Variants in COL25A1 observed in about 807,000 individuals in gnomAD.
The protein encoded by COL25A1 is collagen type XXV alpha 1 chain.
Under a neutral mutation model 128.4 loss-of-function variants are expected in COL25A1, and 103 were observed. That is an observed-to-expected ratio of 0.80 (90% CI 0.68 to 0.94). The LOEUF (loss-of-function observed/expected upper bound fraction) is 0.94, where lower values mean the gene tolerates loss of function less well. Ranked by LOEUF, COL25A1 falls within the 40% of genes least tolerant of loss-of-function variation. COL25A1 has a pLI of 0.00. For missense variants in COL25A1, 745 were observed against 840.0 expected (o/e 0.89, Z 1.40); for synonymous variants, 279 against 277.2 (o/e 1.01, Z -0.06).
At chr4:109,126,022 TCAC>T (rs1225776204) in intron 3 of COL25A1, among the ~76,000 whole-genome samples, 1 of 152,024 alleles carries the variant, frequency 6.6e-6, no homozygotes, top group Non-Finnish European at 1.5e-5. Context: ...TTTTACTCCT[TCAC>T]CAAGTTCTGT....
rs192262260 is a variant in COL25A1, at chr4:108,999,433, T to A, written c.438+10925A>T. On this transcript the variant is annotated intron_variant, in intron 6 of 37. Coordinates refer to ENST00000399132, the MANE Select transcript of COL25A1 (RefSeq NM_198721.4). ...ACAATGAGATACCATCTCACACCAG[T>A]TAGAATGGCAATAATTAAAAAGTCA... is the stretch of plus-strand genomic sequence containing the variant. Among the ~76,000 whole-genome samples, 492 of 152,324 alleles carry A rather than the reference T, an allele frequency of 3.2e-3. 1 individual carries two copies. The highest frequency in any genetic ancestry group is 0.011 in the African/African-American group (467 of 41,574).
chr4:109,185,573 T>C (rs1775058433), intron 3 of COL25A1, among the ~76,000 whole-genome samples: 1 of 152,236 alleles, frequency 6.6e-6, no homozygotes, highest in African/African-American at 2.4e-5. Flanking sequence ...TAGAAGGTAC[T>C]ACGAGTCTGT....
chr4:109,085,286 C>G (rs1256814063), intron 3 of COL25A1, among the ~76,000 whole-genome samples: 1 of 152,182 alleles, frequency 6.6e-6, no homozygotes, highest in Non-Finnish European at 1.5e-5. Context: ...CCTTCAGACT[C>G]TGCAAATTCA....
intron 24 of COL25A1, among the ~76,000 whole-genome samples, chr4:108,853,393 T>C (rs201289355): frequency 3.9e-4 from 20 of 50,872 alleles, no homozygotes; most frequent in Non-Finnish European, 7.0e-4. Context: ...TGTGTGTGTG[T>C]GCGTGTGTGT....
In COL25A1 at chr4:108,835,037, C is replaced by A. The variant is rs1733619374; in HGVS notation, c.1657-2604G>T. 2.6e-5 allele frequency among the ~76,000 whole-genome samples: 4 copies of A among 152,094 alleles called. No homozygotes were observed. The South Asian group carries it at 8.3e-4, about 32-fold the overall frequency. On this transcript the variant is annotated intron_variant, in intron 31 of 37. Coordinates refer to ENST00000399132, the MANE Select transcript of COL25A1 (RefSeq NM_198721.4). The stretch of plus-strand genomic sequence containing the variant: ...AAAGCCAGAAAACAATGTGTGCGAC[C>A]AAGCAAAAAATAACTTCCAAACTAA...
intron 3 of COL25A1, among the ~76,000 whole-genome samples, chr4:109,145,303 G>A (rs558502277): frequency 2.0e-5 from 3 of 152,038 alleles, no homozygotes; most frequent in East Asian, 1.9e-4. Context: ...TCCTGACCTC[G>A]TGATCTGCCC....
At chr4:109,113,423 TTG>T (rs36084559) in intron 3 of COL25A1, among the ~76,000 whole-genome samples, 81,105 of 151,546 alleles carry the variant, frequency 0.54, 23,458 homozygotes, top group Non-Finnish European at 0.68. Context: ...TATATGGATT[TTG>T]TGTGTGTGTG....
chr4:109,278,495 G>A (rs954747155), intron 3 of COL25A1, among the ~76,000 whole-genome samples: 2 of 152,196 alleles, frequency 1.3e-5, no homozygotes, highest in Non-Finnish European at 2.9e-5. Context: ...TTGTAGAGCT[G>A]AAGGTCCGTT....
chr4:108,991,521 T>C (rs1166346585), intron 6 of COL25A1, among the ~76,000 whole-genome samples: 5 of 152,190 alleles, frequency 3.3e-5, no homozygotes, highest in African/African-American at 1.2e-4. Flanking sequence ...ATCATTCTCT[T>C]TATAATGCAA....
At position 108,896,357 on chromosome 4, in the gene COL25A1, G is replaced by A. The variant is rs558156756; in HGVS notation, c.906+310C>T. Among the ~76,000 whole-genome samples, 4 of 152,112 alleles carry A rather than the reference G, an allele frequency of 2.6e-5. No individual in the cohort carries two copies. In the South Asian group the frequency reaches 6.2e-4, roughly 24 times the overall value. ...TCATATACCTGCGCATAAAGGGAGC[G>A]TCCCATTTACACATGAATAAGTGTT... On this transcript the variant is annotated intron_variant, in intron 16 of 37. Transcript: ENST00000399132.
intron 3 of COL25A1, among the ~76,000 whole-genome samples, chr4:109,275,306 C>A (rs2126268925): frequency 6.6e-6 from 1 of 152,268 alleles, no homozygotes; most frequent in Non-Finnish European, 1.5e-5. Flanking sequence ...CCCCTGTGAG[C>A]CTCTTCTCAC....
At chr4:108,902,282 C>T (rs111781731) in intron 13 of COL25A1, among the ~76,000 whole-genome samples, 13 of 152,040 alleles carry the variant, frequency 8.6e-5, no homozygotes, top group East Asian at 5.8e-4. Context: ...TGACTCAATT[C>T]TCATAAATTC....
chr4:109,190,187 T>A (rs550141999), intron 3 of COL25A1, among the ~76,000 whole-genome samples: 2 of 152,312 alleles, frequency 1.3e-5, no homozygotes, highest in Non-Finnish European at 2.9e-5. Context: ...CCTATTATTT[T>A]GGTATTTATT....
intron 6 of COL25A1, among the ~76,000 whole-genome samples, chr4:108,999,747 A>G (rs1237195386): frequency 1.3e-5 from 2 of 152,226 alleles, no homozygotes; most frequent in Non-Finnish European, 2.9e-5. Flanking sequence ...CTGGATTAAG[A>G]AAATGTGGCA....
intron 3 of COL25A1, among the ~76,000 whole-genome samples, chr4:109,085,165 G>T (rs1180084340): frequency 6.6e-6 from 1 of 152,020 alleles, no homozygotes; most frequent in African/African-American, 2.4e-5. Context: ...CTCATCCATT[G>T]CAGCTGGGGC....
chr4:109,230,863 G>C (rs1185349899), intron 3 of COL25A1, among the ~76,000 whole-genome samples: 1 of 152,068 alleles, frequency 6.6e-6, no homozygotes, highest in East Asian at 1.9e-4. Context: ...ATTTAAGGCC[G>C]GGCGCAGCGG....
chr4:109,014,984 C>T (rs1757083074), intron 5 of COL25A1, among the ~76,000 whole-genome samples: 1 of 152,212 alleles, frequency 6.6e-6, no homozygotes, highest in Non-Finnish European at 1.5e-5. Context: ...AAAAGACAGT[C>T]CGGCAGCGCC....
At chr4:109,081,373 T>C (rs941448473) in intron 3 of COL25A1, among the ~76,000 whole-genome samples, 2 of 152,200 alleles carry the variant, frequency 1.3e-5, no homozygotes, top group African/African-American at 4.8e-5. Context: ...GTTGCTTTCA[T>C]TTTTTACAGT....
At chr4:108,957,434 C>A (rs1373665867) in intron 8 of COL25A1, among the ~76,000 whole-genome samples, 1 of 152,144 alleles carries the variant, frequency 6.6e-6, no homozygotes, top group Non-Finnish European at 1.5e-5. Flanking sequence ...CTTTAAGGTT[C>A]ATTTCACCCA....
Sources: allele counts gnomAD v4.1 joint callset (sites outside exome capture counted in the v4.1 genomes callset), GRCh38; gene constraint gnomAD v4.1.1; transcripts MANE v1.5; gene names NCBI Gene and HGNC (gene_info 2026-07-23, HGNC 2026-07-21).